CACNB4: variants seen among roughly 807,000 people sequenced by gnomAD.
CACNB4 encodes calcium voltage-gated channel auxiliary subunit beta 4.
A neutral mutation model predicts 71.2 loss-of-function variants in CACNB4; 32 were observed. That is an observed-to-expected ratio of 0.45 (90% CI 0.34 to 0.60). The LOEUF is 0.60. CACNB4 is among the 20% of genes least tolerant of loss of function. The probability of loss-of-function intolerance (pLI) is 0.01; values close to 1 mark genes in which losing one functional copy is unlikely to be tolerated. For missense variants in CACNB4, 464 were observed against 647.9 expected (o/e 0.72, Z 3.08); for synonymous variants, 231 against 236.9 (o/e 0.97, Z 0.23).
Position 151,860,824 on chromosome 2 carries a change from T to C in CACNB4, c.759-4A>G. On this transcript the variant is annotated splice_region_variant and splice_polypyrimidine_tract_variant and intron_variant, in intron 9 of 13. Transcript: ENST00000539935. ...TGTCACTCTCGTTATTGAAATCCTA[T>C]GAATAGGAACACAGAACAGAACAAG... 1 of 1,581,768 alleles carries C rather than the reference T, an allele frequency of 6.3e-7. No individual in the cohort carries two copies. The highest frequency in any genetic ancestry group is 8.7e-7 in the Non-Finnish European group (1 of 1,150,802).
chr2:152,003,444 T>TA (rs763364867), intron 2 of CACNB4, among the ~76,000 whole-genome samples: 2,616 of 139,262 alleles, frequency 0.019, 32 homozygotes, highest in Non-Finnish European at 0.026. Flanking sequence ...AGATTCCATC[T>TA]AAAAAAAAAA....
chr2:152,036,594 T>G (rs35871736), intron 2 of CACNB4, among the ~76,000 whole-genome samples: 67,354 of 152,076 alleles, frequency 0.44, 17,169 homozygotes, highest in Non-Finnish European at 0.59. Context: ...CCACTGTGCC[T>G]GGCCAGTAAA....
intron 2 of CACNB4, among the ~76,000 whole-genome samples, chr2:151,985,611 G>T (rs776247787): frequency 2.6e-5 from 4 of 151,494 alleles, no homozygotes; most frequent in Non-Finnish European, 5.9e-5. Flanking sequence ...GGACCTAAGG[G>T]TCTAATTTTT....
In CACNB4 at chr2:151,836,801, T is replaced by C. The variant is rs1161713880; in HGVS notation, c.*2318A>G. On this transcript the variant is annotated 3_prime_UTR_variant, in exon 14 of 14. Coordinates refer to ENST00000539935, the MANE Select transcript of CACNB4 (RefSeq NM_000726.5). Reference sequence around the variant, plus strand: ...TTGATGACTAGGAAATATATTTAAATGCTGTTACAGCTACCTGCCATAAAA... The same window carrying C: ...TTGATGACTAGGAAATATATTTAAACGCTGTTACAGCTACCTGCCATAAAA... 1 of 151,976 alleles carries C rather than the reference T, an allele frequency of 6.6e-6. No homozygotes were observed. The highest frequency in any genetic ancestry group is 1.5e-5 in the Non-Finnish European group (1 of 67,836). 9.4% of individuals were successfully genotyped at this position (151,976 alleles called of 1,614,324 possible). A position where few individuals can be genotyped will look rare whatever the true frequency, so the allele number is the denominator to read the frequency against.
Position 152,052,779 on chromosome 2 carries a change from A to G in CACNB4, c.147+45551T>C, listed in dbSNP as rs1317656840. Among the ~76,000 whole-genome samples, 3 of 152,204 alleles carry G rather than the reference A, an allele frequency of 2.0e-5. No individual in the cohort carries two copies. The East Asian group carries it at 5.8e-4, about 29-fold the overall frequency. On this transcript the variant is annotated intron_variant, in intron 2 of 13. Transcript: ENST00000539935. ...TGGATCCCAAGGTCTGGAATTCAAG[A>G]CTACCCTGGCCAACATAGTAAAACC...
At chr2:151,851,833 C>T (rs111693667) in intron 12 of CACNB4, 13 of 152,262 alleles carry the variant, frequency 8.5e-5, no homozygotes, top group African/African-American at 3.1e-4. Context: ...GAAATAATAA[C>T]ATAGTTCCCG....
At chr2:151,848,202 A>T (rs981017517) in intron 12 of CACNB4, among the ~76,000 whole-genome samples, 2 of 152,222 alleles carry the variant, frequency 1.3e-5, no homozygotes, top group Admixed American at 1.3e-4. Context: ...GTGGGAATGA[A>T]CTACCCCTAA....
intron 2 of CACNB4, among the ~76,000 whole-genome samples, chr2:152,020,820 G>T (rs1473715471): frequency 1.3e-5 from 2 of 152,264 alleles, no homozygotes; most frequent in African/African-American, 4.8e-5. Context: ...GCTGGAAGCA[G>T]GCAAAAACCT....
chr2:151,905,160 C>A (rs1210601953), intron 2 of CACNB4, among the ~76,000 whole-genome samples: 1 of 152,094 alleles, frequency 6.6e-6, no homozygotes, highest in African/African-American at 2.4e-5. Context: ...AAATATTAAA[C>A]CCATTTCCCA....
intron 2 of CACNB4, among the ~76,000 whole-genome samples, chr2:151,933,682 A>C (rs1023751328): frequency 6.6e-6 from 1 of 152,218 alleles, no homozygotes; most frequent in African/African-American, 2.4e-5. Context: ...TGCCATGGTC[A>C]GTAAAGCACA....
At chr2:151,928,454 T>C (rs2099860806) in intron 2 of CACNB4, among the ~76,000 whole-genome samples, 1 of 152,206 alleles carries the variant, frequency 6.6e-6, no homozygotes, top group Non-Finnish European at 1.5e-5. Flanking sequence ...TTGTGTTTGG[T>C]AGGCAGTCCC....
At chr2:152,001,269 G>A (rs1682384419) in intron 2 of CACNB4, among the ~76,000 whole-genome samples, 1 of 152,096 alleles carries the variant, frequency 6.6e-6, no homozygotes, top group Non-Finnish European at 1.5e-5. Context: ...GGTGGAAGGA[G>A]AGGGCAGCAA....
At chr2:151,913,838 A>G (rs2099856839) in intron 2 of CACNB4, among the ~76,000 whole-genome samples, 1 of 151,308 alleles carries the variant, frequency 6.6e-6, no homozygotes, top group Non-Finnish European at 1.5e-5. Context: ...TTCTGCTGAG[A>G]GATCCATGTT....
intron 2 of CACNB4, among the ~76,000 whole-genome samples, chr2:151,895,778 A>G (rs945381122): frequency 6.6e-6 from 1 of 151,998 alleles, no homozygotes; most frequent in African/African-American, 2.4e-5. Flanking sequence ...ACCAATAATA[A>G]CCACTATTAT....
intron 2 of CACNB4, among the ~76,000 whole-genome samples, chr2:152,024,155 C>T (rs1418025451): frequency 2.6e-5 from 4 of 152,034 alleles, no homozygotes; most frequent in Admixed American, 6.6e-5. Context: ...CCTGTCTCTA[C>T]AAAAAATACA....
chr2:151,838,002 ATT>A lies in CACNB4; in HGVS notation c.*1115_*1116del, dbSNP rs2099835265. 2 of 152,190 alleles carry A rather than the reference ATT, an allele frequency of 1.3e-5. No individual in the cohort carries two copies. Among genetic ancestry groups the A allele is most frequent in the South Asian group, 4.1e-4 (2 of 4,830 alleles). 9.4% of individuals were successfully genotyped at this position (152,190 alleles called of 1,614,324 possible). Reference sequence around the variant, plus strand: ...ACATAAAACGAAATTCCTTAGCATGATTTAAAGAATTTGTTGAAGGGCCAGAA... The same window carrying A: ...ACATAAAACGAAATTCCTTAGCATGATAAAGAATTTGTTGAAGGGCCAGAA... On this transcript the variant is annotated 3_prime_UTR_variant, in exon 14 of 14. Coordinates refer to ENST00000539935, the MANE Select transcript of CACNB4 (RefSeq NM_000726.5).
At chr2:151,917,741 CAGG>C (rs1440492814) in intron 2 of CACNB4, among the ~76,000 whole-genome samples, 1 of 146,732 alleles carries the variant, frequency 6.8e-6, no homozygotes, top group African/African-American at 2.5e-5. Flanking sequence ...GAGGCTGAGG[CAGG>C]AGAATTGCTT....
chr2:152,070,218 C>T (rs1686606675), intron 2 of CACNB4, among the ~76,000 whole-genome samples: 1 of 152,106 alleles, frequency 6.6e-6, no homozygotes, highest in South Asian at 2.1e-4. Flanking sequence ...AAAAGTCAAT[C>T]CAAAAATAAG....
intron 2 of CACNB4, among the ~76,000 whole-genome samples, chr2:152,025,048 T>C (rs1683887739): frequency 6.6e-6 from 1 of 152,158 alleles, no homozygotes; most frequent in Non-Finnish European, 1.5e-5. Context: ...AGAGTGAGAC[T>C]CTGTCTCAAA....
Sources: allele counts gnomAD v4.1 joint callset (sites outside exome capture counted in the v4.1 genomes callset), GRCh38; gene constraint gnomAD v4.1.1; transcripts MANE v1.5; gene names NCBI Gene and HGNC (gene_info 2026-07-23, HGNC 2026-07-21).